The following FBN2 variants were observed in gnomAD, a reference collection of about 807,000 sequenced individuals.
The protein encoded by FBN2 is fibrillin 2.
In FBN2, 105 loss-of-function variants were observed where a neutral mutation model predicts 355.6. That is an observed-to-expected ratio of 0.30 (90% CI 0.25 to 0.35). The LOEUF (loss-of-function observed/expected upper bound fraction) is 0.35. Among genes scored for constraint, FBN2 ranks in the 10% least tolerant of loss-of-function variants. FBN2 has a pLI of 1.00. For missense variants in FBN2, 3,280 were observed against 3,758.7 expected (o/e 0.87, Z 3.33); for synonymous variants, 1,350 against 1,301.2 (o/e 1.04, Z -0.81).
chr5:128,490,800 T>C lies in FBN2; in HGVS notation c.629-25879A>G, dbSNP rs570343671. On this transcript the variant is annotated intron_variant, in intron 5 of 64. Coordinates refer to ENST00000262464, the MANE Select transcript of FBN2 (RefSeq NM_001999.4). Reference sequence around the variant, plus strand: ...AAATTCATCTCTTTTTTGTTCCTAATATTAGCAGTAACAAATACATGAACA... The same window carrying C: ...AAATTCATCTCTTTTTTGTTCCTAACATTAGCAGTAACAAATACATGAACA... Among the ~76,000 whole-genome samples the C allele has an allele frequency of 5.9e-5, 9 of 152,350 alleles. No homozygotes were observed. The South Asian group carries it at 1.7e-3, about 28-fold the overall frequency.
chr5:128,521,008 T>G (rs900799481), intron 4 of FBN2, among the ~76,000 whole-genome samples: 1 of 152,124 alleles, frequency 6.6e-6, no homozygotes, highest in Non-Finnish European at 1.5e-5. Context: ...TATGAGAGCA[T>G]TCTGTGCAGT....
At position 128,515,161 on chromosome 5, in the gene FBN2, C is replaced by A. The variant is rs929004799; in HGVS notation, c.628+4112G>T. ...GAAAATCCAAATTTGTCCATCTTTA[C>A]ACCTGCTCTTGGAGGATTTGGGTAA... On this transcript the variant is annotated intron_variant, in intron 5 of 64. Coordinates refer to ENST00000262464, the MANE Select transcript of FBN2 (RefSeq NM_001999.4). 2.0e-5 allele frequency among the ~76,000 whole-genome samples: 3 copies of A among 152,176 alleles called. No individual in the cohort carries two copies. In the South Asian group the frequency reaches 6.2e-4, roughly 31 times the overall value.
chr5:128,537,252 A>G, intron 1 of FBN2, 98 bp downstream of exon 1: 1 of 1,544,672 alleles, frequency 6.5e-7, no homozygotes. Context: ...GGCTCCAGCT[A>G]AAGGGTCTGG....
At chr5:128,517,008 T>C (rs950677937) in intron 5 of FBN2, among the ~76,000 whole-genome samples, 2 of 152,128 alleles carry the variant, frequency 1.3e-5, no homozygotes, top group African/African-American at 2.4e-5. Context: ...AATAAGACTT[T>C]TAAGAAACAA....
intron 10 of FBN2, 87 bp downstream of exon 10, chr5:128,393,048 C>A: frequency 3.7e-6 from 4 of 1,076,806 alleles, no homozygotes; most frequent in Non-Finnish European, 5.8e-6. Flanking sequence ...TTCATACAAC[C>A]CTTTTGAAAA....
At chr5:128,374,575 G>T in intron 15 of FBN2, 53 bp downstream of exon 15, 1 of 1,610,454 alleles carries the variant, frequency 6.2e-7, no homozygotes. Flanking sequence ...ATCTCTGTCA[G>T]TTTTTCAAAG....
chr5:128,312,006 G>A, intron 37 of FBN2, 53 bp from the exon 38 acceptor site: 1 of 1,263,496 alleles, frequency 7.9e-7, no homozygotes, highest in South Asian at 1.2e-5. Context: ...AAGTGGCTGA[G>A]ACAATGAGCA....
At position 128,350,951 on chromosome 5, in the gene FBN2, T is replaced by A; in HGVS notation, c.2729A>T (p.Asn910Ile). 6.2e-7 allele frequency: 1 copy of A among 1,614,150 alleles called. No individual in the cohort carries two copies. The highest frequency in any genetic ancestry group is 1.6e-4 in the Middle Eastern group (1 of 6,062). ...AGATTTCAGAGTGGCTCCATTAATA[T>A]TCACCTCACAGCGGCTGTCCTGGAT... ...LNIQDSRCEV[N>I]INGATLKSEC... Residue 910 changes from asparagine (N) to isoleucine (I), a missense_variant, in exon 21 of 65, where the codon AAT becomes ATT. By Grantham distance (149) the Asn-to-Ile change is moderately radical. Transcript: ENST00000262464.
intron 5 of FBN2, among the ~76,000 whole-genome samples, chr5:128,507,496 C>T (rs1755995033): frequency 6.6e-6 from 1 of 151,948 alleles, no homozygotes; most frequent in African/African-American, 2.4e-5. Flanking sequence ...TTTTTAAGTT[C>T]ATATTATTTT....
intron 5 of FBN2, among the ~76,000 whole-genome samples, chr5:128,472,157 T>C (rs189408568): frequency 1.3e-5 from 2 of 152,154 alleles, no homozygotes; most frequent in African/African-American, 4.8e-5. Flanking sequence ...GGTATATACA[T>C]ACCAAAAACT....
At chr5:128,460,954 A>G (rs920861850) in intron 6 of FBN2, among the ~76,000 whole-genome samples, 1 of 152,196 alleles carries the variant, frequency 6.6e-6, no homozygotes, top group Non-Finnish European at 1.5e-5. Context: ...GGGAGACTTC[A>G]TGACAAAAAT....
intron 48 of FBN2, among the ~76,000 whole-genome samples, chr5:128,299,467 C>T (rs1262565678): frequency 6.8e-6 from 1 of 147,238 alleles, no homozygotes; most frequent in Non-Finnish European, 1.5e-5. Flanking sequence ...TGCTAGCAAT[C>T]AGTGAGACTC....
intron 8 of FBN2, among the ~76,000 whole-genome samples, chr5:128,396,822 A>G (rs1244391491): frequency 6.6e-6 from 1 of 152,232 alleles, no homozygotes; most frequent in African/African-American, 2.4e-5. Context: ...CTATGATCAC[A>G]AGAAGAAAGA....
intron 54 of FBN2, 86 bp from the exon 55 acceptor site, chr5:128,286,935 T>A: frequency 1.6e-6 from 2 of 1,279,240 alleles, no homozygotes; most frequent in Non-Finnish European, 2.2e-6. Context: ...TTCTGACACT[T>A]AACATGTAAT....
At chr5:128,288,860 TC>T (rs779342476) in intron 52 of FBN2, among the ~76,000 whole-genome samples, 1 of 152,196 alleles carries the variant, frequency 6.6e-6, no homozygotes, top group African/African-American at 2.4e-5. Context: ...GGATTTCTTA[TC>T]CAATGAGAGA....
At chr5:128,388,612 A>G (rs547762664) in intron 11 of FBN2, among the ~76,000 whole-genome samples, 2 of 152,356 alleles carry the variant, frequency 1.3e-5, no homozygotes, top group East Asian at 3.9e-4. Flanking sequence ...TTGGCTGAAT[A>G]TAAAATTCTT....
intron 7 of FBN2, among the ~76,000 whole-genome samples, chr5:128,439,596 T>C (rs552899964): frequency 1.2e-3 from 190 of 152,266 alleles, no homozygotes; most frequent in Non-Finnish European, 2.1e-3. Flanking sequence ...ATTTTCTTAC[T>C]GATTTGTGGA....
intron 7 of FBN2, among the ~76,000 whole-genome samples, chr5:128,420,539 T>C (rs868214795): frequency 1.9e-4 from 29 of 152,332 alleles, no homozygotes; most frequent in Middle Eastern, 3.4e-3. Context: ...TTAGCTATAG[T>C]ATATACATTG....
intron 7 of FBN2, among the ~76,000 whole-genome samples, chr5:128,413,049 C>A (rs1402652674): frequency 1.3e-5 from 2 of 152,168 alleles, no homozygotes; most frequent in Admixed American, 6.5e-5. Flanking sequence ...AATGGAAGAA[C>A]ATGTTTTACA....
Sources: allele counts gnomAD v4.1 joint callset (sites outside exome capture counted in the v4.1 genomes callset), GRCh38; gene constraint gnomAD v4.1.1; transcripts MANE v1.5; gene names NCBI Gene and HGNC (gene_info 2026-07-23, HGNC 2026-07-21).